BOLL: variants seen among roughly 807,000 people sequenced by gnomAD.
BOLL encodes protein boule-like.
A neutral mutation model predicts 44.4 loss-of-function variants in BOLL; 23 were observed. The ratio of observed to expected loss-of-function variants is 0.52; its 90% CI spans 0.37 to 0.73. The LOEUF (loss-of-function observed/expected upper bound fraction) is 0.73, where lower values mean the gene tolerates loss of function less well. Ranked by LOEUF, BOLL falls within the 30% of genes least tolerant of loss-of-function variation. The probability of loss-of-function intolerance (pLI) is 0.00; values close to 1 mark genes in which losing one functional copy is unlikely to be tolerated. For synonymous variants in BOLL, 97 were observed against 110.8 expected, an observed-to-expected ratio of 0.88 and a Z score of 0.78; for missense variants, 287 against 338.3, an observed-to-expected ratio of 0.85 and a Z score of 1.19.
intron 9 of BOLL, among the ~76,000 whole-genome samples, chr2:197,752,791 T>C (rs1688322831): frequency 6.6e-6 from 1 of 152,152 alleles, no homozygotes; most frequent in Admixed American, 6.5e-5. Flanking sequence ...TTCACAGAAT[T>C]AGAAAAAACT....
rs188962496 is a variant in BOLL at position 197,727,118 on chromosome 2, T to A, written c.*1437A>T. The A allele has an allele frequency of 2.0e-3, 311 of 152,492 alleles. No individual in the cohort carries two copies. The highest frequency in any genetic ancestry group is 2.2e-3 in the Non-Finnish European group (152 of 68,036). The allele number at this position is 152,492 out of a possible 1,614,324, so 9.4% of individuals were successfully genotyped here. On this transcript the variant is annotated 3_prime_UTR_variant, in exon 11 of 11. Coordinates refer to ENST00000392296, the MANE Select transcript of BOLL (RefSeq NM_033030.6). Reference sequence around the variant, plus strand: ...CCTAAAACTGAGAATAATTAATGTATTTGAGATCCTTGTATGCTAGTATAC... The same window carrying A: ...CCTAAAACTGAGAATAATTAATGTAATTGAGATCCTTGTATGCTAGTATAC...
intron 4 of BOLL, 88 bp downstream of exon 4, chr2:197,776,971 C>T: frequency 9.9e-7 from 1 of 1,013,328 alleles, no homozygotes; most frequent in Non-Finnish European, 1.4e-6. Context: ...TTTTAAAAAG[C>T]AGTTGATTAT....
chr2:197,728,803 C>G (rs1271034322), intron 10 of BOLL, among the ~76,000 whole-genome samples: 1 of 152,160 alleles, frequency 6.6e-6, no homozygotes, highest in Admixed American at 6.5e-5. Context: ...TAGACAATCT[C>G]TAGTCTAGTG....
At chr2:197,748,639 C>A (rs578142018) in intron 9 of BOLL, among the ~76,000 whole-genome samples, 5 of 152,352 alleles carry the variant, frequency 3.3e-5, no homozygotes, top group African/African-American at 1.2e-4. Context: ...CTGGGCAGAA[C>A]CCACCTCAGT....
chr2:197,771,859 C>T lies in BOLL; in HGVS notation c.476G>A (p.Trp159Ter). ...TTTTTAAATGAAATTACTTACAGGC[C>T]AAGGCGGTGGGACCGAAGTTACCTC... ...TPEVTSVPPPWPSRSVCSSPV... is the reference protein window; with the variant it reads ...TPEVTSVPPP Residue 159 changes from tryptophan to a stop codon, truncating the protein, a stop_gained, in exon 6 of 11, where the codon TGG (tryptophan) becomes TAG (stop). Coordinates refer to ENST00000392296, the MANE Select transcript of BOLL (RefSeq NM_033030.6). LOFTEE classifies it high-confidence loss of function. 1 of 1,579,280 alleles carries T rather than the reference C, an allele frequency of 6.3e-7. No individual in the cohort carries two copies. The highest frequency in any genetic ancestry group is 1.2e-5 in the South Asian group (1 of 83,402).
At chr2:197,750,714 C>G (rs1371699442) in intron 9 of BOLL, among the ~76,000 whole-genome samples, 2 of 152,134 alleles carry the variant, frequency 1.3e-5, no homozygotes, top group Non-Finnish European at 2.9e-5. Flanking sequence ...TTTAACACCC[C>G]ACTGTCAATA....
intron 10 of BOLL, among the ~76,000 whole-genome samples, chr2:197,729,717 G>A (rs7582285): frequency 5.9e-5 from 9 of 151,840 alleles, no homozygotes; most frequent in Non-Finnish European, 1.3e-4. Flanking sequence ...ACACCTCACA[G>A]GGCAGGGTAT....
chr2:197,756,278 A>T lies in BOLL; in HGVS notation c.729+150T>A, dbSNP rs544836863. On this transcript the variant is annotated intron_variant, in intron 9 of 10. Coordinates refer to ENST00000392296, the MANE Select transcript of BOLL (RefSeq NM_033030.6). Reference sequence around the variant, plus strand: ...AAAGTCTAAGATGATGCATTCTTAGATATAAGAAAGGGGAAGAGATTTGAA... The same window carrying T: ...AAAGTCTAAGATGATGCATTCTTAGTTATAAGAAAGGGGAAGAGATTTGAA... The T allele has an allele frequency of 1.1e-4, 79 of 742,104 alleles. No homozygotes were observed. The African/African-American group carries it at 1.4e-3, about 13-fold the overall frequency. 46.0% of individuals were successfully genotyped at this position (742,104 alleles called of 1,614,324 possible).
At chr2:197,782,631 G>A (rs1421162471) in intron 1 of BOLL, among the ~76,000 whole-genome samples, 3 of 152,118 alleles carry the variant, frequency 2.0e-5, no homozygotes, top group Non-Finnish European at 4.4e-5. Flanking sequence ...AACACCTTCT[G>A]ATTGAGAGGC....
chr2:197,763,494 AAAAG>A, intron 7 of BOLL, among the ~76,000 whole-genome samples: 1 of 151,452 alleles, frequency 6.6e-6, no homozygotes, highest in East Asian at 1.9e-4. Flanking sequence ...AAAAAAAAAA[AAAAG>A]AAAGAAAACC....
At chr2:197,736,629 G>C (rs1016432717) in intron 10 of BOLL, among the ~76,000 whole-genome samples, 2 of 152,024 alleles carry the variant, frequency 1.3e-5, no homozygotes, top group African/African-American at 4.8e-5. Flanking sequence ...TAAAAAATAG[G>C]TTAAAAGGCC....
intron 2 of BOLL, among the ~76,000 whole-genome samples, chr2:197,779,436 T>A (rs956787782): frequency 6.6e-6 from 1 of 151,990 alleles, no homozygotes; most frequent in African/African-American, 2.4e-5. Context: ...TTGGCTCTTG[T>A]GGCTCAGAGA....
intron 2 of BOLL, 116 bp from the exon 3 acceptor site, chr2:197,779,182 C>G (rs945788499): frequency 1.4e-6 from 1 of 707,666 alleles, no homozygotes; most frequent in Non-Finnish European, 2.3e-6. Context: ...AAAAATGCCT[C>G]TCATCATCAA....
intron 10 of BOLL, among the ~76,000 whole-genome samples, chr2:197,735,577 G>A (rs1356927676): frequency 6.6e-6 from 1 of 152,224 alleles, no homozygotes; most frequent in East Asian, 1.9e-4. Context: ...CGACTGTACT[G>A]ATGTTCATTT....
chr2:197,775,918 A>G (rs1689488659), intron 4 of BOLL, among the ~76,000 whole-genome samples, 178 bp from the exon 5 acceptor site: 1 of 151,920 alleles, frequency 6.6e-6, no homozygotes. Flanking sequence ...TCTGACCGCA[A>G]TTCCCCATTT....
At chr2:197,762,021 C>T (rs1193314835) in intron 7 of BOLL, among the ~76,000 whole-genome samples, 2 of 152,108 alleles carry the variant, frequency 1.3e-5, no homozygotes, top group African/African-American at 4.8e-5. Context: ...CTTCAACACC[C>T]CACTCTCAGC....
In BOLL at chr2:197,778,805, T is replaced by TACAC. The variant is rs71964015; in HGVS notation, c.221+166_221+169dup. ...ATTACAGTGTCTCCTCCCTCCAAAA[T>TACAC]ACACACACACACACACACACACACA... is the stretch of plus-strand genomic sequence containing the variant. On this transcript the variant is annotated intron_variant, in intron 3 of 10. Transcript: ENST00000392296. Among the ~76,000 whole-genome samples the TACAC allele has an allele frequency of 7.9e-3, 1,130 of 143,542 alleles. 16 individuals carry two copies. The highest frequency in any genetic ancestry group is 0.021 in the African/African-American group (846 of 39,596). The allele number at this position is 143,542 out of a possible 152,430, so 94.2% of individuals were successfully genotyped here.
At chr2:197,785,572 C>T (rs1156447873), upstream of BOLL, among the ~76,000 whole-genome samples, 3 of 152,208 alleles carry the variant, frequency 2.0e-5, no homozygotes, top group Admixed American at 6.5e-5. This position sits in a 1 kb window ranked among gnomAD's most constrained non-coding sequence, Gnocchi z 6.7. Context: ...AGGCGTCGAC[C>T]GCCCTGGCAA....
chr2:197,731,125 C>T (rs1038947844), intron 10 of BOLL, among the ~76,000 whole-genome samples: 1 of 151,990 alleles, frequency 6.6e-6, no homozygotes, highest in African/African-American at 2.4e-5. Context: ...GAAGACCTAC[C>T]AAGCCAATGG....
Sources: allele counts gnomAD v4.1 joint callset (sites outside exome capture counted in the v4.1 genomes callset), GRCh38; gene constraint gnomAD v4.1.1; non-coding constraint Gnocchi (gnomAD v3.1); transcripts MANE v1.5; gene names NCBI Gene and HGNC (gene_info 2026-07-23, HGNC 2026-07-21).